The following ITGBL1 variants were observed in gnomAD, a reference collection of about 807,000 sequenced individuals.
The protein encoded by ITGBL1 is integrin beta-like protein 1.
In ITGBL1, 51 loss-of-function variants were observed where a neutral mutation model predicts 68.5. That is an observed-to-expected ratio of 0.74 (90% CI 0.59 to 0.94). ITGBL1 has a LOEUF of 0.94. Among genes scored for constraint, ITGBL1 ranks in the 40% least tolerant of loss-of-function variants. The pLI is 0.00. For synonymous variants in ITGBL1, 209 were observed against 227.3 expected, an observed-to-expected ratio of 0.92 and a Z score of 0.72; for missense variants, 649 against 647.4, an observed-to-expected ratio of 1.00 and a Z score of -0.03.
chr13:101,476,240 A>G (rs1375505139), intron 2 of ITGBL1, among the ~76,000 whole-genome samples: 3 of 152,112 alleles, frequency 2.0e-5, no homozygotes, highest in African/African-American at 7.2e-5. Context: ...TTTGCTTGTT[A>G]GTTCATTTTT....
rs201609505 is a variant in ITGBL1, at chr13:101,650,341, AT to A, written c.1016-42235del. ...ATGTGTTTATAAGGAGATGATATACATTTTTTTTTCTTGTACCTTATGGTAA... is the reference window on the plus strand; with the variant it reads ...ATGTGTTTATAAGGAGATGATATACATTTTTTTTCTTGTACCTTATGGTAA... On this transcript the variant is annotated intron_variant, in intron 7 of 10. Transcript: ENST00000376180. Among the ~76,000 whole-genome samples, 412 of 151,100 alleles carry A rather than the reference AT, an allele frequency of 2.7e-3. 9 individuals carry two copies. Among genetic ancestry groups the A allele is most frequent in the Admixed American group, 0.022 (338 of 15,134 alleles).
intron 2 of ITGBL1, among the ~76,000 whole-genome samples, chr13:101,482,697 A>G (rs1244165907): frequency 1.3e-5 from 2 of 152,118 alleles, no homozygotes; most frequent in African/African-American, 4.8e-5. Context: ...ATGTTTTTCA[A>G]ATACTCATAG....
chr13:101,495,953 G>A (rs553887764), intron 2 of ITGBL1, among the ~76,000 whole-genome samples: 28 of 152,230 alleles, frequency 1.8e-4, no homozygotes, highest in African/African-American at 6.7e-4. Flanking sequence ...TCATAATATA[G>A]TGAAACATTT....
chr13:101,687,957 T>C (rs1274913842), intron 7 of ITGBL1, among the ~76,000 whole-genome samples: 1 of 152,114 alleles, frequency 6.6e-6, no homozygotes, highest in East Asian at 1.9e-4. Context: ...CAGATTTCCA[T>C]TTTCCTTCTT....
At chr13:101,709,381 A>G in intron 9 of ITGBL1, among the ~76,000 whole-genome samples, 1 of 114,638 alleles carries the variant, frequency 8.7e-6, no homozygotes, top group Admixed American at 9.1e-5. Flanking sequence ...CAAAAAAAAA[A>G]AAAAAAAAAA....
rs189559362 is a variant in ITGBL1, at chr13:101,694,927, T to C, written c.1132+2226T>C. 1.6e-4 allele frequency among the ~76,000 whole-genome samples: 25 copies of C among 152,300 alleles called. No homozygotes were observed. The East Asian group carries it at 4.6e-3, about 28-fold the overall frequency. On this transcript the variant is annotated intron_variant, in intron 8 of 10. Coordinates refer to ENST00000376180, the MANE Select transcript of ITGBL1 (RefSeq NM_004791.3). ...CGCATGGTTTAAACTGAAGTAATTA[T>C]TTTTTCATTAACTAAACAAATATTC...
Position 101,569,575 on chromosome 13 carries a change from G to A in ITGBL1, c.463+1730G>A, listed in dbSNP as rs554799157. Among the ~76,000 whole-genome samples, 50 of 152,210 alleles carry A rather than the reference G, an allele frequency of 3.3e-4. 1 individual carries two copies. The South Asian group carries it at 8.9e-3, about 27-fold the overall frequency. ...TTACAGGATTCAGACTATTGAAAAT[G>A]TTATGTTTATATCTCTCTTTAGTCT... On this transcript the variant is annotated intron_variant, in intron 3 of 10. Coordinates refer to ENST00000376180, the MANE Select transcript of ITGBL1 (RefSeq NM_004791.3).
At chr13:101,597,342 C>T (rs2030031973) in intron 6 of ITGBL1, among the ~76,000 whole-genome samples, 2 of 148,436 alleles carry the variant, frequency 1.3e-5, no homozygotes, top group Non-Finnish European at 3.0e-5. Context: ...TTTCTATATC[C>T]ATACTGATTT....
chr13:101,487,758 T>C (rs2048721318), intron 2 of ITGBL1, among the ~76,000 whole-genome samples: 1 of 152,346 alleles, frequency 6.6e-6, no homozygotes, highest in East Asian at 1.9e-4. Context: ...ATTCTTATGC[T>C]TTTTAAGAAA....
At chr13:101,502,812 GT>G (rs2048964628) in intron 2 of ITGBL1, among the ~76,000 whole-genome samples, 1 of 152,010 alleles carries the variant, frequency 6.6e-6, no homozygotes, top group Non-Finnish European at 1.5e-5. Flanking sequence ...CATGTGCCTC[GT>G]TCCAGGAAGA....
chr13:101,564,268 G>A (rs951692541), intron 2 of ITGBL1, among the ~76,000 whole-genome samples: 1 of 151,940 alleles, frequency 6.6e-6, no homozygotes, highest in Non-Finnish European at 1.5e-5. Context: ...AATCAAGACT[G>A]TGGTTGTAGC....
intron 7 of ITGBL1, among the ~76,000 whole-genome samples, chr13:101,636,877 G>T (rs1233635094): frequency 6.6e-6 from 1 of 152,058 alleles, no homozygotes; most frequent in African/African-American, 2.4e-5. Context: ...CTACTGCTTT[G>T]ATAAATTTTG....
At chr13:101,628,505 T>G (rs2031865369) in intron 7 of ITGBL1, among the ~76,000 whole-genome samples, 1 of 151,790 alleles carries the variant, frequency 6.6e-6, no homozygotes, top group Non-Finnish European at 1.5e-5. Context: ...TGATCTCAGC[T>G]CACTGCAACC....
In ITGBL1 at chr13:101,692,521, C is replaced by T. The variant is rs2033902388; in HGVS notation, c.1016-64C>T. ...TTTGGGTTTAATAGTGTGCTCACCTCCTTGAAAGCCTTAGTGATTCCGGGA... is the reference window on the plus strand; with the variant it reads ...TTTGGGTTTAATAGTGTGCTCACCTTCTTGAAAGCCTTAGTGATTCCGGGA... On this transcript the variant is annotated intron_variant, in intron 7 of 10. Transcript: ENST00000376180. 5 of 1,107,982 alleles carry T rather than the reference C, an allele frequency of 4.5e-6. No homozygotes were observed. In the East Asian group the frequency reaches 1.2e-4, roughly 26 times the overall value. The allele number at this position is 1,107,982 out of a possible 1,614,324, so 68.6% of individuals were successfully genotyped here.
chr13:101,471,846 G>A (rs945194937), intron 2 of ITGBL1, among the ~76,000 whole-genome samples: 3 of 152,128 alleles, frequency 2.0e-5, no homozygotes, highest in African/African-American at 7.2e-5. Context: ...TGCTCTGCAT[G>A]GTGGGAGTGA....
At chr13:101,581,165 CAT>C (rs1178937195) in intron 5 of ITGBL1, among the ~76,000 whole-genome samples, 1 of 152,180 alleles carries the variant, frequency 6.6e-6, no homozygotes, top group Non-Finnish European at 1.5e-5. Flanking sequence ...ATGTTGCAGA[CAT>C]AAGCATTAAT....
At chr13:101,578,223 T>C (rs1201376447) in intron 4 of ITGBL1, among the ~76,000 whole-genome samples, 1 of 152,134 alleles carries the variant, frequency 6.6e-6, no homozygotes, top group Non-Finnish European at 1.5e-5. Context: ...AGAAATACCA[T>C]AGTGTTAGAA....
intron 2 of ITGBL1, among the ~76,000 whole-genome samples, chr13:101,556,937 TA>T (rs2139225848): frequency 6.6e-6 from 1 of 152,320 alleles, no homozygotes; most frequent in East Asian, 1.9e-4. Flanking sequence ...CTTAGGAAAC[TA>T]ATATGATGGA....
chr13:101,507,761 AG>A (rs557011789), intron 2 of ITGBL1, among the ~76,000 whole-genome samples: 233 of 152,290 alleles, frequency 1.5e-3, no homozygotes, highest in African/African-American at 4.9e-3. Flanking sequence ...AGATATAATG[AG>A]GTCACAGAGC....
Sources: allele counts gnomAD v4.1 joint callset (sites outside exome capture counted in the v4.1 genomes callset), GRCh38; gene constraint gnomAD v4.1.1; transcripts MANE v1.5; gene names NCBI Gene and HGNC (gene_info 2026-07-23, HGNC 2026-07-21).